The following MYO6 variants were observed in gnomAD, a reference collection of about 807,000 sequenced individuals.
MYO6 encodes myosin VI.
A neutral mutation model predicts 178.7 loss-of-function variants in MYO6; 74 were observed. The ratio of observed to expected loss-of-function variants is 0.41; its 90% CI spans 0.34 to 0.50. The LOEUF (loss-of-function observed/expected upper bound fraction) is 0.50. Among genes scored for constraint, MYO6 ranks in the 20% least tolerant of loss-of-function variants. MYO6 has a pLI of 0.09. For missense variants in MYO6, 1,330 were observed against 1,547.4 expected (o/e 0.86, Z 2.36); for synonymous variants, 477 against 504.6 (o/e 0.95, Z 0.73).
chr6:75,860,179 C>G (rs1237527372), intron 14 of MYO6, among the ~76,000 whole-genome samples: 6 of 152,218 alleles, frequency 3.9e-5, no homozygotes, highest in Admixed American at 2.0e-4. Context: ...CTATTTCCAT[C>G]CTTTCTATCT....
At chr6:75,759,233 A>G (rs1777741787) in intron 1 of MYO6, among the ~76,000 whole-genome samples, 1 of 152,206 alleles carries the variant, frequency 6.6e-6, no homozygotes, top group Non-Finnish European at 1.5e-5. Flanking sequence ...ATTTCTTTAG[A>G]TAATGTGCTG....
rs765366663 is a variant in MYO6 at position 75,892,626 on chromosome 6, A to G, written c.3043A>G (p.Arg1015Gly). The G allele has an allele frequency of 6.2e-7, 1 of 1,613,208 alleles. No homozygotes were observed. Among genetic ancestry groups the G allele is most frequent in the South Asian group, 1.1e-5 (1 of 91,036 alleles). The stretch of plus-strand genomic sequence containing the variant: ...GCGCAGGGACCGGGAGCTGGCCCTG[A>G]GGATTGCCCAGAGTGAAGCCGAGCT... Reference protein sequence around the residue: ...QERRDRELALRIAQSEAELIS... With the variant: ...QERRDRELALGIAQSEAELIS... Residue 1015 changes from arginine to glycine, a missense_variant, in exon 28 of 35, where the codon AGG (arginine) becomes GGG (glycine). By Grantham distance (125) the Arg-to-Gly change is moderately radical. Transcript: ENST00000369977.
chr6:75,831,500 C>T (rs781616837), intron 5 of MYO6, among the ~76,000 whole-genome samples: 20 of 152,232 alleles, frequency 1.3e-4, no homozygotes, highest in African/African-American at 3.9e-4. Context: ...AACCTGAATA[C>T]GAGCAAACAT....
At chr6:75,836,219 G>A (rs1452095773) in intron 7 of MYO6, among the ~76,000 whole-genome samples, 1 of 152,188 alleles carries the variant, frequency 6.6e-6, no homozygotes, top group Admixed American at 6.5e-5. Context: ...ATAAATATCT[G>A]TTGAATGAAT....
chr6:75,761,489 A>G (rs1199958574), intron 1 of MYO6, among the ~76,000 whole-genome samples: 2 of 152,118 alleles, frequency 1.3e-5, no homozygotes, highest in East Asian at 3.8e-4. Context: ...TAAGTTAGGA[A>G]TTTATAAACC....
intron 1 of MYO6, among the ~76,000 whole-genome samples, chr6:75,761,057 G>A (rs140940031): frequency 7.8e-4 from 119 of 152,278 alleles, no homozygotes; most frequent in Middle Eastern, 3.4e-3. Context: ...CAAAGAACCT[G>A]TGTGTGTTTT....
chr6:75,817,239 A>G (rs1771354413), intron 1 of MYO6, among the ~76,000 whole-genome samples: 1 of 149,630 alleles, frequency 6.7e-6, no homozygotes, highest in Non-Finnish European at 1.5e-5. Flanking sequence ...TGGGAGGCGG[A>G]GCTTGCAGTG....
chr6:75,905,175 TTTTG>T (rs1780181111), intron 30 of MYO6, among the ~76,000 whole-genome samples: 1 of 152,138 alleles, frequency 6.6e-6, no homozygotes, highest in African/African-American at 2.4e-5. Flanking sequence ...ACTGCTGTCT[TTTTG>T]TTTGTCTATG....
At chr6:75,890,326 A>T in intron 26 of MYO6, 61 bp downstream of exon 26, 1 of 1,602,352 alleles carries the variant, frequency 6.2e-7, no homozygotes. Flanking sequence ...CTTGGTATTG[A>T]CAGTGGTTAA....
intron 1 of MYO6, among the ~76,000 whole-genome samples, chr6:75,752,581 C>G (rs1046268267): frequency 6.6e-6 from 1 of 152,152 alleles, no homozygotes; most frequent in South Asian, 2.1e-4. Context: ...TTTCAGTTCA[C>G]TTGGTGGACT....
intron 1 of MYO6, among the ~76,000 whole-genome samples, chr6:75,760,594 G>C (rs1384805778): frequency 6.6e-6 from 1 of 151,790 alleles, no homozygotes; most frequent in African/African-American, 2.4e-5. Flanking sequence ...TATACCTCTG[G>C]ATATAAATGT....
At chr6:75,783,240 C>T (rs190962851) in intron 1 of MYO6, among the ~76,000 whole-genome samples, 164 of 152,166 alleles carry the variant, frequency 1.1e-3, no homozygotes, top group Non-Finnish European at 1.8e-3. Context: ...TTTAGTCTTT[C>T]CTCAGAGTGC....
chr6:75,818,869 A>T (rs570935369), intron 2 of MYO6, among the ~76,000 whole-genome samples: 40 of 139,188 alleles, frequency 2.9e-4, no homozygotes, highest in South Asian at 1.8e-3. Context: ...GTACATGTTT[A>T]AAAAAAAAAG....
intron 9 of MYO6, 52 bp from the exon 10 acceptor site, chr6:75,844,845 T>C (rs750875942): frequency 7.0e-7 from 1 of 1,433,654 alleles, no homozygotes; most frequent in Non-Finnish European, 9.8e-7. Context: ...TCTCCTGTAT[T>C]ATTTCCCTGT....
At position 75,862,649 on chromosome 6, in the gene MYO6, C is replaced by T. The variant is rs757665143; in HGVS notation, c.1600C>T (p.Arg534Cys). The T allele has an allele frequency of 5.6e-6, 9 of 1,613,790 alleles. No homozygotes were observed. The highest frequency in any genetic ancestry group is 7.6e-6 in the Non-Finnish European group (9 of 1,179,798). Residue 534 changes from arginine to cysteine, a missense_variant, in exon 16 of 35, where the codon CGC becomes TGC. Around this residue, in one of 3 missense-constraint regions of MYO6, gnomAD observed 613 missense variants for 816.8 expected, o/e 0.75. Coordinates refer to ENST00000369977, the MANE Select transcript of MYO6 (RefSeq NM_004999.4). The part of the protein sequence containing the change: ...GILDILDEEN[R>C]LPQPSDQHFT... Reference sequence around the variant, plus strand: ...ACTGGATATTTTGGATGAAGAAAATCGCCTTCCCCAGCCAAGTGATCAACA... The same window carrying T: ...ACTGGATATTTTGGATGAAGAAAATTGCCTTCCCCAGCCAAGTGATCAACA...
Position 75,801,048 on chromosome 6 carries a change from T to A in MYO6, c.-47-16453T>A, listed in dbSNP as rs1359885646. On this transcript the variant is annotated intron_variant, in intron 1 of 34. Coordinates refer to ENST00000369977, the MANE Select transcript of MYO6 (RefSeq NM_004999.4). ...ACATGGGGCGTTATTAGCATATTAA[T>A]AACATTGATGCCATGATTAGCCATA... Among the ~76,000 whole-genome samples the A allele has an allele frequency of 2.0e-5, 3 of 152,154 alleles. No homozygotes were observed. The East Asian group carries it at 5.8e-4, about 29-fold the overall frequency.
intron 3 of MYO6, among the ~76,000 whole-genome samples, chr6:75,826,640 A>C (rs576794054): frequency 1.3e-5 from 2 of 152,222 alleles, no homozygotes; most frequent in East Asian, 3.9e-4. Context: ...AGGGATATAG[A>C]AAGGTAGGTG....
rs767289134 is a variant in MYO6 at position 75,867,088 on chromosome 6, G to A, written c.1927G>A (p.Val643Met). The A allele has an allele frequency of 3.8e-5, 62 of 1,613,172 alleles. 1 individual carries two copies. Among genetic ancestry groups the A allele is most frequent in the South Asian group, 3.6e-4 (33 of 90,934 alleles). ...AGCAGGAAAACTTAGCTTCATCAGC[G>A]TGGGAAACAAGTTTAAGGTATTTGT... is the stretch of plus-strand genomic sequence containing the variant. ...QKAGKLSFIS[V>M]GNKFKTQLNL... Residue 643 changes from valine (V) to methionine (M), a missense_variant, in exon 18 of 35, where the codon GTG becomes ATG. Physicochemically the swap from Val to Met is conservative, Grantham distance 21. Coordinates refer to ENST00000369977, the MANE Select transcript of MYO6 (RefSeq NM_004999.4).
At chr6:75,765,349 G>A (rs56262241) in intron 1 of MYO6, among the ~76,000 whole-genome samples, 2 of 151,312 alleles carry the variant, frequency 1.3e-5, no homozygotes, top group African/African-American at 4.9e-5. Context: ...GCTAATTTTT[G>A]TATTTTTAGT....
Sources: gnomAD v4.1 joint callset for allele counts (sites outside exome capture counted in the v4.1 genomes callset) on GRCh38, gnomAD v4.1.1 for gene constraint, gnomAD v4.1.1 regional missense constraint, MANE v1.5 for transcripts, NCBI Gene and HGNC (gene_info 2026-07-23, HGNC 2026-07-21) for gene names.